ABLIM2: variants seen among roughly 807,000 people sequenced by gnomAD.
ABLIM2 encodes the protein actin-binding LIM protein 2.
Under a neutral mutation model 97.7 loss-of-function variants are expected in ABLIM2, and 53 were observed. That is an observed-to-expected ratio of 0.54 (90% CI 0.44 to 0.68). The LOEUF is 0.68. Among genes scored for constraint, ABLIM2 ranks in the 30% least tolerant of loss-of-function variants. The probability of loss-of-function intolerance (pLI) is 0.00; values close to 1 mark genes in which losing one functional copy is unlikely to be tolerated. For synonymous variants in ABLIM2, 361 were observed against 345.8 expected (o/e 1.04, Z -0.49); for missense variants, 835 against 867.2 (o/e 0.96, Z 0.47).
In ABLIM2 at chr4:8,045,359, G is replaced by A. The variant is rs551341453; in HGVS notation, c.823-118C>T. The A allele has an allele frequency of 5.6e-5, 55 of 987,334 alleles. No individual in the cohort carries two copies. The East Asian group carries it at 1.1e-3, about 19-fold the overall frequency. The allele number at this position is 987,334 out of a possible 1,614,324, so 61.2% of individuals were successfully genotyped here. On this transcript the variant is annotated intron_variant, in intron 8 of 20. Coordinates refer to ENST00000447017, the MANE Select transcript of ABLIM2 (RefSeq NM_001130083.2). ...CAGCGCACTGCGGTGTTTCTTTAAAGTTGGGGCTGGGCCGGGCACGGCGGC... is the reference window on the plus strand; with the variant it reads ...CAGCGCACTGCGGTGTTTCTTTAAAATTGGGGCTGGGCCGGGCACGGCGGC...
intron 1 of ABLIM2, among the ~76,000 whole-genome samples, chr4:8,111,846 A>C (rs1840477930): frequency 6.6e-6 from 1 of 151,638 alleles, no homozygotes; most frequent in African/African-American, 2.4e-5. Context: ...GAATCACTTG[A>C]AACCCGGGAG....
At chr4:7,982,666 C>G (rs192509844) in intron 20 of ABLIM2, among the ~76,000 whole-genome samples, 35 of 152,162 alleles carry the variant, frequency 2.3e-4, no homozygotes, top group African/African-American at 8.2e-4. Flanking sequence ...TTTACTCAAC[C>G]TCAGTAGGAG....
At chr4:8,055,291 C>G (rs1291452545) in intron 7 of ABLIM2, among the ~76,000 whole-genome samples, 1 of 152,184 alleles carries the variant, frequency 6.6e-6, no homozygotes, top group Non-Finnish European at 1.5e-5. Flanking sequence ...CTCCTGGGGC[C>G]TCCCTGAACC....
Position 7,970,771 on chromosome 4 carries a change from C to A in ABLIM2, c.1825-3668G>T, listed in dbSNP as rs989314581. Among the ~76,000 whole-genome samples the A allele has an allele frequency of 6.6e-6, 1 of 151,836 alleles. No individual in the cohort carries two copies. The highest frequency in any genetic ancestry group is 6.6e-5 in the Admixed American group (1 of 15,244). ...TGGGAGTGTGGCACTGGGACTGGGA[C>A]GCTCCATCACCAGAGGCCCTGGGGA... On this transcript the variant is annotated intron_variant, in intron 20 of 20. Transcript: ENST00000447017. The surrounding 1 kb of genome is among the most constrained non-coding windows in gnomAD (Gnocchi z 5.3).
In ABLIM2 at chr4:8,123,162, G is replaced by A. The variant is rs1232587284; in HGVS notation, c.11-16525C>T. ...GGGTCTGGACTCCTTAATCCTAATT[G>A]CGGTCCTCAGAGCATTCTTCCCTGG... On this transcript the variant is annotated intron_variant, in intron 1 of 20. Coordinates refer to ENST00000447017, the MANE Select transcript of ABLIM2 (RefSeq NM_001130083.2). The surrounding 1 kb of genome is among the most constrained non-coding windows in gnomAD (Gnocchi z 6.2). 6.6e-6 allele frequency among the ~76,000 whole-genome samples: 1 copy of A among 152,204 alleles called. No homozygotes were observed. The highest frequency in any genetic ancestry group is 1.5e-5 in the Non-Finnish European group (1 of 68,034).
chr4:8,088,136 C>A, intron 4 of ABLIM2, 33 bp downstream of exon 4: 1 of 1,340,944 alleles, frequency 7.5e-7, no homozygotes, highest in Non-Finnish European at 1.0e-6. Flanking sequence ...AGCATGCCCC[C>A]ACTCAACATG....
intron 17 of ABLIM2, among the ~76,000 whole-genome samples, chr4:7,987,278 A>G (rs1467296488): frequency 2.0e-5 from 3 of 151,514 alleles, no homozygotes; most frequent in Non-Finnish European, 2.9e-5. Context: ...GCGCCTGGCC[A>G]TGCCTGGCTA....
rs962942170 is a variant in ABLIM2 at position 8,128,456 on chromosome 4, C to T, written c.11-21819G>A. Among the ~76,000 whole-genome samples the T allele has an allele frequency of 2.0e-5, 3 of 152,330 alleles. No homozygotes were observed. The highest frequency in any genetic ancestry group is 1.9e-4 in the East Asian group (1 of 5,184). ...TGCAGCTCGCAAGGCCCCTGCATAC[C>T]GAAACATGGCTAGCACCACGCAGAA... On this transcript the variant is annotated intron_variant, in intron 1 of 20. Coordinates refer to ENST00000447017, the MANE Select transcript of ABLIM2 (RefSeq NM_001130083.2). The surrounding 1 kb of genome is among the most constrained non-coding windows in gnomAD (Gnocchi z 4.9).
At chr4:8,105,660 G>A (rs988214528) in intron 2 of ABLIM2, among the ~76,000 whole-genome samples, 5 of 152,336 alleles carry the variant, frequency 3.3e-5, no homozygotes, top group Admixed American at 2.6e-4. Context: ...CCGTCATACC[G>A]AACCCGCAGA....
intron 1 of ABLIM2, among the ~76,000 whole-genome samples, chr4:8,109,956 C>A (rs1839492026): frequency 6.6e-6 from 1 of 152,228 alleles, no homozygotes; most frequent in South Asian, 2.1e-4. Flanking sequence ...ATTGTAGAAA[C>A]CACCTCATCC....
At chr4:8,048,647 G>A (rs987156525) in intron 8 of ABLIM2, among the ~76,000 whole-genome samples, 29 of 152,174 alleles carry the variant, frequency 1.9e-4, no homozygotes, top group African/African-American at 7.0e-4. Context: ...CCCCGCGTTT[G>A]GTCTCCACAA....
chr4:7,993,151 G>A lies in ABLIM2; in HGVS notation c.1619-224C>T, dbSNP rs116559239. On this transcript the variant is annotated intron_variant, in intron 16 of 20. Transcript: ENST00000447017. ...ATGTCCTGAGCCTGCCCGTGACACC[G>A]GAAATGCCACAGAACCTCAGCCCAG... Among the ~76,000 whole-genome samples, 1,089 of 152,324 alleles carry A rather than the reference G, an allele frequency of 7.1e-3. 12 individuals are homozygous for A. Among genetic ancestry groups the A allele is most frequent in the African/African-American group, 0.025 (1,026 of 41,580 alleles).
intron 1 of ABLIM2, among the ~76,000 whole-genome samples, chr4:8,111,342 G>A (rs189422059): frequency 2.4e-4 from 37 of 152,342 alleles, no homozygotes; most frequent in African/African-American, 6.7e-4. Context: ...TGGGATCAAC[G>A]GAGCACAGGG....
chr4:7,983,609 G>A (rs201190788), intron 18 of ABLIM2, 55 bp from the exon 19 acceptor site: 93 of 1,602,174 alleles, frequency 5.8e-5, no homozygotes, highest in Admixed American at 4.1e-4. Context: ...GCAAGATGTC[G>A]TCCAAGGTGA....
rs1183214020 is a variant in ABLIM2, at chr4:8,132,060, C to A, written c.11-25423G>T. On this transcript the variant is annotated intron_variant, in intron 1 of 20. Transcript: ENST00000447017. The surrounding 1 kb of genome is among the most constrained non-coding windows in gnomAD (Gnocchi z 8.0). ...CCCGAGCACAGCTGTGCCGGCCGAG[C>A]TCAGGCCTCGGGGTGCCTGGACATC... is the stretch of plus-strand genomic sequence containing the variant. 6.6e-6 allele frequency among the ~76,000 whole-genome samples: 1 copy of A among 151,246 alleles called. No individual in the cohort carries two copies. Among genetic ancestry groups the A allele is most frequent in the Non-Finnish European group, 1.5e-5 (1 of 67,994 alleles).
In ABLIM2 at chr4:8,158,760, G is replaced by A. The variant is rs1055911350; in HGVS notation, c.-71C>T. ...AGACCCTCGGGCCCGCAGGTGCCGC[G>A]CCCGCGCTATCCTCCGCCCGCCCGC... On this transcript the variant is annotated 5_prime_UTR_variant, in exon 1 of 21. Coordinates refer to ENST00000447017, the MANE Select transcript of ABLIM2 (RefSeq NM_001130083.2). The A allele has an allele frequency of 6.2e-6, 8 of 1,299,994 alleles. No homozygotes were observed. The African/African-American group carries it at 7.7e-5, about 13-fold the overall frequency. The allele number at this position is 1,299,994 out of a possible 1,614,324, so 80.5% of individuals were successfully genotyped here. A position where few individuals can be genotyped will look rare whatever the true frequency, so the allele number is the denominator to read the frequency against.
intron 17 of ABLIM2, among the ~76,000 whole-genome samples, chr4:7,985,715 G>C (rs959051208): frequency 6.6e-6 from 1 of 152,184 alleles, no homozygotes; most frequent in Non-Finnish European, 1.5e-5. Flanking sequence ...CAATGACTAA[G>C]GGTGACACTC....
chr4:7,993,893 T>G (rs371799087), intron 16 of ABLIM2: 19 of 506,776 alleles, frequency 3.7e-5, no homozygotes, highest in South Asian at 2.6e-4. Context: ...TGGCTGGCCC[T>G]GGGTGGGCCT....
intron 16 of ABLIM2, chr4:8,007,660 C>A: frequency 1.0e-6 from 1 of 1,003,524 alleles, no homozygotes; most frequent in Admixed American, 5.7e-5. Flanking sequence ...GGATGGTGCC[C>A]ATCACCAACT....
Sources: gnomAD v4.1 joint callset for allele counts (sites outside exome capture counted in the v4.1 genomes callset) on GRCh38, gnomAD v4.1.1 for gene constraint, Gnocchi (gnomAD v3.1) non-coding constraint, MANE v1.5 for transcripts, NCBI Gene and HGNC (gene_info 2026-07-23, HGNC 2026-07-21) for gene names.